The following AOAH variants were observed in gnomAD, a reference collection of about 807,000 sequenced individuals.
AOAH encodes acyloxyacyl hydrolase (neutrophil).
In AOAH, 64 loss-of-function variants were observed where a neutral mutation model predicts 92.2. That is an observed-to-expected ratio of 0.69 (90% CI 0.57 to 0.86). AOAH has a LOEUF of 0.86. AOAH is among the 40% of genes least tolerant of loss of function. The pLI, the probability that AOAH is intolerant of heterozygous loss-of-function variation, is 0.00. For synonymous variants in AOAH, 263 were observed against 254.5 expected (o/e 1.03, Z -0.32); for missense variants, 656 against 694.6 (o/e 0.94, Z 0.62).
At chr7:36,684,906 C>CAAAAAAAA (rs57827044) in intron 2 of AOAH, among the ~76,000 whole-genome samples, 11 of 60,012 alleles carry the variant, frequency 1.8e-4, no homozygotes, top group Admixed American at 3.1e-4. Flanking sequence ...GACCTTGTCT[C>CAAAAAAAA]AAAAAAAAAA....
chr7:36,694,447 G>A (rs879540873), intron 1 of AOAH, among the ~76,000 whole-genome samples: 11 of 152,140 alleles, frequency 7.2e-5, no homozygotes, highest in Admixed American at 5.9e-4. Flanking sequence ...GCAGTGAGCC[G>A]AGATTGCACT....
chr7:36,689,185 C>A (rs1797234745), intron 1 of AOAH, among the ~76,000 whole-genome samples: 1 of 152,086 alleles, frequency 6.6e-6, no homozygotes, highest in Admixed American at 6.6e-5. Flanking sequence ...GGCTCCACTC[C>A]TTATTCTGGC....
intron 10 of AOAH, among the ~76,000 whole-genome samples, chr7:36,617,525 C>T (rs1222334202): frequency 6.6e-6 from 1 of 152,194 alleles, no homozygotes; most frequent in Admixed American, 6.5e-5. Context: ...TCCAAGAAAA[C>T]TCAGAGCCAA....
intron 16 of AOAH, among the ~76,000 whole-genome samples, chr7:36,534,843 T>C (rs928958291): frequency 6.6e-6 from 1 of 151,998 alleles, no homozygotes; most frequent in Admixed American, 6.6e-5. Context: ...GCTCTGTCTA[T>C]GTGTATCTGT....
At chr7:36,607,941 T>C (rs1791129834) in intron 11 of AOAH, among the ~76,000 whole-genome samples, 3 of 152,126 alleles carry the variant, frequency 2.0e-5, no homozygotes, top group African/African-American at 7.2e-5. Context: ...CATGGTGGAG[T>C]GTGTGCATTC....
rs1446234717 is a variant in AOAH, at chr7:36,513,133, T to C, written c.*119A>G. The C allele has an allele frequency of 2.5e-6, 4 of 1,610,372 alleles. No homozygotes were observed. On this transcript the variant is annotated 3_prime_UTR_variant, in exon 21 of 21. Coordinates refer to ENST00000617537, the MANE Select transcript of AOAH (RefSeq NM_001637.4). ...TTGAGAGAAAGACATTTTGCAAAGA[T>C]GCTGCTGAAGAAGAGTCCTTTGGGC...
In AOAH at chr7:36,658,052, GT is replaced by G. The variant is rs113137657; in HGVS notation, c.390+1113del. Reference sequence around the variant, plus strand: ...CACACGCTATTTGAACACATGAAAAGTTTTTTTTTTAATTAAAGTTAACTAA... The same window carrying G: ...CACACGCTATTTGAACACATGAAAAGTTTTTTTTTAATTAAAGTTAACTAA... On this transcript the variant is annotated intron_variant, in intron 4 of 20. Transcript: ENST00000617537. Among the ~76,000 whole-genome samples, 144 of 149,412 alleles carry G rather than the reference GT, an allele frequency of 9.6e-4. 1 individual carries two copies. Among genetic ancestry groups the G allele is most frequent in the Non-Finnish European group, 1.7e-3 (117 of 67,142 alleles).
intron 1 of AOAH, among the ~76,000 whole-genome samples, chr7:36,688,375 A>G (rs1019901886): frequency 2.0e-5 from 3 of 152,234 alleles, no homozygotes; most frequent in African/African-American, 7.2e-5. Flanking sequence ...TTTCACTTTT[A>G]TTATGAATAT....
intron 1 of AOAH, among the ~76,000 whole-genome samples, chr7:36,704,165 T>C (rs1170039182): frequency 6.6e-6 from 1 of 152,218 alleles, no homozygotes; most frequent in Non-Finnish European, 1.5e-5. Context: ...GAAAAGTGTC[T>C]GTTCACATCC....
intron 1 of AOAH, among the ~76,000 whole-genome samples, chr7:36,706,627 C>T (rs1227178288): frequency 6.6e-6 from 1 of 152,178 alleles, no homozygotes; most frequent in East Asian, 1.9e-4. Flanking sequence ...ATATAGATGA[C>T]ATCTTCTAAT....
In AOAH at chr7:36,647,213, G is replaced by A. The variant is rs561817200; in HGVS notation, c.391-9303C>T. ...TTGTAATAAGTGCTGGAAAAATGGA[G>A]TGTGAAGAACGGAGATGAATCATGG... On this transcript the variant is annotated intron_variant, in intron 4 of 20. Coordinates refer to ENST00000617537, the MANE Select transcript of AOAH (RefSeq NM_001637.4). Among the ~76,000 whole-genome samples, 69 of 152,300 alleles carry A rather than the reference G, an allele frequency of 4.5e-4. 1 individual carries two copies. The South Asian group carries it at 0.014, about 31-fold the overall frequency.
rs550615834 is a variant in AOAH at position 36,637,309 on chromosome 7, C to T, written c.450+542G>A. Among the ~76,000 whole-genome samples the T allele has an allele frequency of 1.8e-4, 28 of 152,234 alleles. No homozygotes were observed. In the South Asian group the frequency reaches 3.9e-3, roughly 21 times the overall value. On this transcript the variant is annotated intron_variant, in intron 5 of 20. Coordinates refer to ENST00000617537, the MANE Select transcript of AOAH (RefSeq NM_001637.4). ...CTCTATCAGTACTGACACTGGAGGA[C>T]GCTATTATCATCCTTGTCTTACAGA... is the stretch of plus-strand genomic sequence containing the variant.
chr7:36,609,462 C>A (rs539104266), intron 11 of AOAH, among the ~76,000 whole-genome samples: 2 of 152,280 alleles, frequency 1.3e-5, no homozygotes, highest in East Asian at 3.9e-4. Flanking sequence ...CCTCTCTAGG[C>A]TCTTGTCTCA....
At chr7:36,606,648 G>C (rs868594658) in intron 11 of AOAH, among the ~76,000 whole-genome samples, 2 of 152,190 alleles carry the variant, frequency 1.3e-5, no homozygotes, top group East Asian at 1.9e-4. Flanking sequence ...TTGAACAGAT[G>C]GGGGAAGAAG....
intron 1 of AOAH, among the ~76,000 whole-genome samples, chr7:36,719,248 C>G (rs1268463185): frequency 6.6e-6 from 1 of 152,146 alleles, no homozygotes; most frequent in Non-Finnish European, 1.5e-5. Flanking sequence ...TAATTATTAA[C>G]TCGCAAATGT....
intron 20 of AOAH, 137 bp downstream of exon 20, chr7:36,521,902 C>A: frequency 1.5e-6 from 1 of 675,890 alleles, no homozygotes; most frequent in East Asian, 2.8e-5. Flanking sequence ...ATCTTCTATC[C>A]TATACATGTA....
chr7:36,711,301 T>C (rs1329851749), intron 1 of AOAH, among the ~76,000 whole-genome samples: 2 of 152,192 alleles, frequency 1.3e-5, no homozygotes, highest in African/African-American at 4.8e-5. Flanking sequence ...CTTCTTCTTT[T>C]TTCCCTTTTC....
intron 5 of AOAH, among the ~76,000 whole-genome samples, chr7:36,637,079 T>C (rs1387813756): frequency 6.6e-6 from 1 of 152,170 alleles, no homozygotes; most frequent in Non-Finnish European, 1.5e-5. Flanking sequence ...CCTTTTCAAA[T>C]GGGCTGATTT....
intron 4 of AOAH, among the ~76,000 whole-genome samples, chr7:36,658,438 G>T (rs1308193782): frequency 6.6e-6 from 1 of 152,150 alleles, no homozygotes; most frequent in Non-Finnish European, 1.5e-5. Context: ...GGCCTAACTG[G>T]ATTCAATATT....
Sources: allele counts gnomAD v4.1 joint callset (sites outside exome capture counted in the v4.1 genomes callset), GRCh38; gene constraint gnomAD v4.1.1; transcripts MANE v1.5; gene names NCBI Gene and HGNC (gene_info 2026-07-23, HGNC 2026-07-21).